KLHL4: variants seen among roughly 807,000 people sequenced by gnomAD.
KLHL4 encodes the protein kelch-like protein 4.
A neutral mutation model predicts 45.8 loss-of-function variants in KLHL4; 17 were observed. The ratio of observed to expected loss-of-function variants is 0.37; its 90% CI spans 0.25 to 0.56. The LOEUF is 0.56. KLHL4 is among the 20% of genes least tolerant of loss of function. The pLI, the probability that KLHL4 is intolerant of heterozygous loss-of-function variation, is 0.79. For missense variants in KLHL4, 544 were observed against 544.9 expected, an observed-to-expected ratio of 1.00 and a Z score of 0.02; for synonymous variants, 224 against 189.9, an observed-to-expected ratio of 1.18 and a Z score of -1.47.
intron 1 of KLHL4, among the ~76,000 whole-genome samples, chrX:87,529,434 T>G (rs750321779): frequency 9.0e-6 from 1 of 111,688 alleles, no homozygotes; most frequent in Non-Finnish European, 1.9e-5. Flanking sequence ...ATACTCAAAT[T>G]GAGTACATTT....
At chrX:87,571,378 C>T (rs1035293435) in intron 1 of KLHL4, among the ~76,000 whole-genome samples, 2 of 110,918 alleles carry the variant, frequency 1.8e-5, no homozygotes, top group African/African-American at 6.5e-5. Context: ...ATCTTCCTGC[C>T]ACTTTGTCAA....
At chrX:87,652,637 C>A (rs1400409870) in intron 9 of KLHL4, among the ~76,000 whole-genome samples, 3 of 111,995 alleles carry the variant, frequency 2.7e-5, no homozygotes, top group African/African-American at 9.7e-5. Flanking sequence ...TCAGCCTGGA[C>A]TTTATTGTCC....
chrX:87,658,009 G>C (rs747896958), intron 9 of KLHL4, among the ~76,000 whole-genome samples: 34 of 112,273 alleles, frequency 3.0e-4, no homozygotes, highest in African/African-American at 1.1e-3. Flanking sequence ...TTAGCAGGCG[G>C]CAGTGAGACC....
chrX:87,648,034 ACT>A (rs1334686321), intron 9 of KLHL4, among the ~76,000 whole-genome samples: 5 of 110,522 alleles, frequency 4.5e-5, no homozygotes, highest in Non-Finnish European at 9.5e-5. Context: ...TATTGCAATG[ACT>A]CTATTGCAAT....
At chrX:87,660,985 T>A (rs774528440) in intron 9 of KLHL4, among the ~76,000 whole-genome samples, 4 of 112,768 alleles carry the variant, frequency 3.5e-5, no homozygotes, top group African/African-American at 1.3e-4. Context: ...TAAAGGATTT[T>A]ATCCAAAATA....
chrX:87,637,366 T>C (rs1331976850), intron 9 of KLHL4, among the ~76,000 whole-genome samples: 1 of 111,575 alleles, frequency 9.0e-6, no homozygotes, highest in Non-Finnish European at 1.9e-5. Flanking sequence ...CCCTCTGACA[T>C]AGTCTACCCA....
At chrX:87,643,861 T>C (rs947449468) in intron 9 of KLHL4, among the ~76,000 whole-genome samples, 8 of 111,755 alleles carry the variant, frequency 7.2e-5, no homozygotes, top group Non-Finnish European at 1.3e-4. Context: ...ACCTTTATGA[T>C]TAAAATTCTC....
At chrX:87,544,473 G>A (rs1192637580) in intron 1 of KLHL4, among the ~76,000 whole-genome samples, 1 of 111,619 alleles carries the variant, frequency 9.0e-6, no homozygotes, top group Non-Finnish European at 1.9e-5. Context: ...GCAGTAGCCA[G>A]GGAGTAGTTA....
At position 87,518,142 on chromosome X, in the gene KLHL4, C is replaced by T; in HGVS notation, c.249C>T (p.Ala83=). Residue 83 remains alanine, a synonymous_variant, in exon 1 of 11, where the codon GCC becomes GCT. Transcript: ENST00000373119. ...ILAPVPGPAP[A]HQRAVQNLQQ... is the part of the protein sequence containing the mutation. ...CACCAGTGCCAGGACCGGCCCCTGC[C>T]CATCAGAGAGCCGTTCAGAATTTGC... The T allele has an allele frequency of 8.3e-7, 1 of 1,211,765 alleles. No homozygotes were observed. The highest frequency in any genetic ancestry group is 1.1e-6 in the Non-Finnish European group (1 of 895,463).
chrX:87,533,574 G>A (rs1304522259), intron 1 of KLHL4, among the ~76,000 whole-genome samples: 1 of 103,347 alleles, frequency 9.7e-6, no homozygotes, highest in Non-Finnish European at 2.0e-5. Flanking sequence ...TGAGGGGGGA[G>A]GGATAGCATT....
chrX:87,536,479 C>T (rs1274635803), intron 1 of KLHL4, among the ~76,000 whole-genome samples: 1 of 110,260 alleles, frequency 9.1e-6, no homozygotes, highest in East Asian at 2.9e-4. Flanking sequence ...GTGTGATTGT[C>T]ATGTATTTTT....
At position 87,668,648 on chromosome X, in the gene KLHL4, T is replaced by C. The variant is rs1924460062; in HGVS notation, c.*2114T>C. The C allele has an allele frequency of 6.5e-6, 1 of 155,025 alleles. No homozygotes were observed. Among genetic ancestry groups the C allele is most frequent in the African/African-American group, 3.2e-5 (1 of 31,121 alleles). 12.8% of individuals were successfully genotyped at this position (155,025 alleles called of 1,213,427 possible). On this transcript the variant is annotated 3_prime_UTR_variant, in exon 11 of 11. Transcript: ENST00000373119. The stretch of plus-strand genomic sequence containing the variant: ...GTGCCCTCCTGAATGGATTAATCCA[T>C]TCATGGATTAATGGATTATTATGAG...
intron 3 of KLHL4, among the ~76,000 whole-genome samples, chrX:87,617,241 A>G (rs1405298003): frequency 9.1e-6 from 1 of 109,931 alleles, no homozygotes; most frequent in African/African-American, 3.3e-5. Flanking sequence ...GCAAATAAGT[A>G]ATTATTCATT....
At chrX:87,577,688 C>T (rs954075300) in intron 1 of KLHL4, among the ~76,000 whole-genome samples, 1 of 111,506 alleles carries the variant, frequency 9.0e-6, no homozygotes, top group Non-Finnish European at 1.9e-5. Context: ...CAGTAAGCTG[C>T]ACATTTGTTT....
chrX:87,667,096 A>C lies in KLHL4; in HGVS notation c.*562A>C, dbSNP rs1242823408. 2.7e-6 allele frequency: 2 copies of C among 748,660 alleles called. No individual in the cohort carries two copies. Among genetic ancestry groups the C allele is most frequent in the Non-Finnish European group, 3.1e-6 (2 of 636,059 alleles). 61.7% of individuals were successfully genotyped at this position (748,660 alleles called of 1,213,427 possible). ...CTTTTACTGTGTTGAAGCTAAAAAA[A>C]TAATGGCTCTTTGACAAAACTTGTT... On this transcript the variant is annotated 3_prime_UTR_variant, in exon 11 of 11. Transcript: ENST00000373119.
chrX:87,568,056 G>A (rs1932250575), intron 1 of KLHL4, among the ~76,000 whole-genome samples: 1 of 111,272 alleles, frequency 9.0e-6, no homozygotes, highest in African/African-American at 3.3e-5. Context: ...AAGAAATTAT[G>A]CTAAGTTAAA....
intron 1 of KLHL4, among the ~76,000 whole-genome samples, chrX:87,605,027 T>C (rs1922146186): frequency 9.0e-6 from 1 of 111,634 alleles, no homozygotes; most frequent in Admixed American, 9.6e-5. Context: ...AAGAAATTTT[T>C]CCCAGTGTGT....
intron 1 of KLHL4, among the ~76,000 whole-genome samples, chrX:87,564,854 G>A (rs902024641): frequency 9.0e-6 from 1 of 111,513 alleles, no homozygotes; most frequent in Admixed American, 9.5e-5. Flanking sequence ...CCAACAACAG[G>A]AGATTACACA....
At chrX:87,551,159 A>G (rs1931806661) in intron 1 of KLHL4, among the ~76,000 whole-genome samples, 1 of 111,157 alleles carries the variant, frequency 9.0e-6, no homozygotes, top group African/African-American at 3.3e-5. Context: ...TAATTCAACA[A>G]AGTTTCCAGA....
Sources: allele counts gnomAD v4.1 joint callset (sites outside exome capture counted in the v4.1 genomes callset), GRCh38; gene constraint gnomAD v4.1.1; transcripts MANE v1.5; gene names NCBI Gene and HGNC (gene_info 2026-07-23, HGNC 2026-07-21).